Variants in ATG7 observed in about 807,000 individuals in gnomAD.
ATG7 encodes the protein ubiquitin-like modifier-activating enzyme ATG7.
In ATG7, 70 loss-of-function variants were observed where a neutral mutation model predicts 82.4. The observed-to-expected ratio is 0.85, with a 90% CI of 0.70 to 1.04. The LOEUF (loss-of-function observed/expected upper bound fraction) is 1.04. Ranked by LOEUF, ATG7 falls within the 50% of genes least tolerant of loss-of-function variation. The pLI, the probability that ATG7 is intolerant of heterozygous loss-of-function variation, is 0.00. For missense variants in ATG7, 792 were observed against 864.3 expected (o/e 0.92, Z 1.05); for synonymous variants, 287 against 313.0 (o/e 0.92, Z 0.88).
chr3:11,456,665 C>A (rs988331198), intron 20 of ATG7, among the ~76,000 whole-genome samples: 1 of 152,196 alleles, frequency 6.6e-6, no homozygotes, highest in Admixed American at 6.5e-5. Context: ...TTATTTCTTT[C>A]TACTCCCCCC....
At chr3:11,304,182 AG>A (rs1425484680) in intron 5 of ATG7, among the ~76,000 whole-genome samples, 8 of 152,198 alleles carry the variant, frequency 5.3e-5, no homozygotes, top group Non-Finnish European at 1.0e-4. Context: ...AGAACTGAAA[AG>A]GTAGTGAAGG....
In ATG7 at chr3:11,358,799, A is replaced by G. The variant is rs374870685; in HGVS notation, c.1479+187A>G. ...ACCATCACCCAATGTAATAAGTACCATTTACTGCTTAATTTTCATAATAAT... is the reference window on the plus strand; with the variant it reads ...ACCATCACCCAATGTAATAAGTACCGTTTACTGCTTAATTTTCATAATAAT... On this transcript the variant is annotated intron_variant, in intron 15 of 20. Transcript: ENST00000693202. Among the ~76,000 whole-genome samples the G allele has an allele frequency of 5.9e-5, 9 of 152,258 alleles. No individual in the cohort carries two copies. In the East Asian group the frequency reaches 1.5e-3, roughly 26 times the overall value.
intron 9 of ATG7, among the ~76,000 whole-genome samples, chr3:11,317,337 A>G (rs1256683016): frequency 6.6e-6 from 1 of 152,226 alleles, no homozygotes. Context: ...ACCGTAGGTC[A>G]GGTTGTATGT....
At chr3:11,373,951 TTTTG>T (rs904055721) in intron 18 of ATG7, among the ~76,000 whole-genome samples, 2 of 152,240 alleles carry the variant, frequency 1.3e-5, no homozygotes, top group African/African-American at 4.8e-5. Flanking sequence ...AGCTTTGGGT[TTTTG>T]TTTACTTGTT....
intron 20 of ATG7, among the ~76,000 whole-genome samples, chr3:11,436,702 A>C (rs1393509232): frequency 1.3e-5 from 2 of 152,248 alleles, no homozygotes; most frequent in Non-Finnish European, 2.9e-5. Flanking sequence ...AATGTCAGCT[A>C]TTACGCTGGA....
chr3:11,465,861 G>T (rs2153005621), intron 20 of ATG7, among the ~76,000 whole-genome samples: 1 of 152,272 alleles, frequency 6.6e-6, no homozygotes, highest in Admixed American at 6.5e-5. Context: ...GAAGGGGAGA[G>T]AATTGGAAAG....
At chr3:11,396,120 A>G (rs1325655337) in intron 19 of ATG7, among the ~76,000 whole-genome samples, 3 of 149,296 alleles carry the variant, frequency 2.0e-5, no homozygotes, top group Non-Finnish European at 4.5e-5. Flanking sequence ...AAGTATAGGA[A>G]AAAAAAAAAA....
At chr3:11,536,672 A>G (rs1343338140) in intron 20 of ATG7, among the ~76,000 whole-genome samples, 16 of 152,118 alleles carry the variant, frequency 1.1e-4, no homozygotes, top group Admixed American at 1.0e-3. Context: ...CACTGCACCC[A>G]TAGGTGCGGA....
intron 20 of ATG7, among the ~76,000 whole-genome samples, chr3:11,430,464 TA>T (rs1182253101): frequency 1.3e-5 from 2 of 152,238 alleles, no homozygotes; most frequent in Non-Finnish European, 2.9e-5. Flanking sequence ...TCCACTTATT[TA>T]TTTTAGCAAC....
chr3:11,480,023 G>C (rs962267423), intron 20 of ATG7, among the ~76,000 whole-genome samples: 1 of 151,972 alleles, frequency 6.6e-6, no homozygotes, highest in Non-Finnish European at 1.5e-5. Flanking sequence ...CGTCTCTGGG[G>C]TTCACGACAT....
Position 11,297,499 on chromosome 3 carries a change from C to T in ATG7, c.-10-1187C>T, listed in dbSNP as rs76065428. On this transcript the variant is annotated intron_variant, in intron 3 of 20. Coordinates refer to ENST00000693202, the MANE Select transcript of ATG7 (RefSeq NM_001349232.2). ...AGCTGCCAGATTTCTTTAGTATTGT[C>T]CTTCTCAAACTGGGGTATGTTACCC... Among the ~76,000 whole-genome samples the T allele has an allele frequency of 7.8e-3, 1,191 of 152,124 alleles. 13 individuals are homozygous for T. The highest frequency in any genetic ancestry group is 0.027 in the African/African-American group (1,137 of 41,474).
intron 20 of ATG7, among the ~76,000 whole-genome samples, chr3:11,462,228 G>T (rs1366731976): frequency 6.6e-6 from 1 of 152,048 alleles, no homozygotes; most frequent in African/African-American, 2.4e-5. Context: ...AGCCTTGGAA[G>T]GTTCAGGGCC....
At chr3:11,537,890 C>G (rs1404930265) in intron 20 of ATG7, among the ~76,000 whole-genome samples, 1 of 152,086 alleles carries the variant, frequency 6.6e-6, no homozygotes, top group Non-Finnish European at 1.5e-5. Context: ...GAGCCCGGAT[C>G]CAAAATTGGG....
chr3:11,455,143 T>C (rs1009149309), intron 20 of ATG7, among the ~76,000 whole-genome samples: 11 of 152,312 alleles, frequency 7.2e-5, no homozygotes, highest in Admixed American at 1.3e-4. Flanking sequence ...TAAATATTCT[T>C]TTACATATGA....
At chr3:11,440,674 CTTTT>C (rs72177700) in intron 20 of ATG7, among the ~76,000 whole-genome samples, 3 of 39,482 alleles carry the variant, frequency 7.6e-5, no homozygotes, top group African/African-American at 1.1e-4. Context: ...TCCCCATTTG[CTTTT>C]TTTTTTTTTT....
intron 20 of ATG7, chr3:11,477,320 C>T: frequency 4.2e-6 from 5 of 1,186,522 alleles, no homozygotes; most frequent in Non-Finnish European, 5.3e-6. Flanking sequence ...TTTTGTGCTA[C>T]AAACTCCTGA....
chr3:11,548,440 C>T (rs2071473454), intron 20 of ATG7, among the ~76,000 whole-genome samples: 1 of 151,982 alleles, frequency 6.6e-6, no homozygotes, highest in Admixed American at 6.6e-5. Flanking sequence ...TTTTGGTTTC[C>T]TTTTTTAGTC....
chr3:11,295,133 T>C (rs1032432660), intron 3 of ATG7, among the ~76,000 whole-genome samples: 2 of 151,944 alleles, frequency 1.3e-5, no homozygotes, highest in African/African-American at 2.4e-5. Context: ...TAAATAAATA[T>C]GTGCTCAAGA....
chr3:11,295,274 A>G (rs567988494), intron 3 of ATG7, among the ~76,000 whole-genome samples: 8 of 152,368 alleles, frequency 5.3e-5, no homozygotes, highest in South Asian at 2.1e-4. Flanking sequence ...TATCAATTAT[A>G]TAGAAAAATA....
Sources: allele counts gnomAD v4.1 joint callset (sites outside exome capture counted in the v4.1 genomes callset), GRCh38; gene constraint gnomAD v4.1.1; transcripts MANE v1.5; gene names NCBI Gene and HGNC (gene_info 2026-07-23, HGNC 2026-07-21).